The following GSDMC variants were observed in gnomAD, a reference collection of about 807,000 sequenced individuals.
The protein encoded by GSDMC is gasdermin C.
Under a neutral mutation model 58.0 loss-of-function variants are expected in GSDMC, and 59 were observed. That is an observed-to-expected ratio of 1.02 (90% CI 0.82 to 1.26). The LOEUF is 1.26. Among genes scored for constraint, GSDMC ranks in the 50% most tolerant of loss-of-function variants. The pLI, the probability that GSDMC is intolerant of heterozygous loss-of-function variation, is 0.00. For synonymous variants in GSDMC, 241 were observed against 220.2 expected, an observed-to-expected ratio of 1.09 and a Z score of -0.83; for missense variants, 659 against 598.5, an observed-to-expected ratio of 1.10 and a Z score of -1.06.
intron 13 of GSDMC, 83 bp downstream of exon 13, chr8:129,749,369 T>C (rs2033075187): frequency 3.9e-6 from 4 of 1,021,804 alleles, no homozygotes; most frequent in South Asian, 2.6e-5. Flanking sequence ...ACCTGTATCA[T>C]CTCTCTTTCC....
chr8:129,740,997 TC>T, the GSDMC span, among the ~76,000 whole-genome samples: 5 of 152,306 alleles, frequency 3.3e-5, no homozygotes, highest in East Asian at 9.6e-4. Context: ...AAGTCTTTTA[TC>T]CGTTTTGAAT....
the GSDMC span, among the ~76,000 whole-genome samples, chr8:129,731,348 T>C: frequency 6.6e-6 from 1 of 152,172 alleles, no homozygotes; most frequent in South Asian, 2.1e-4. Flanking sequence ...AGCTAGTGGA[T>C]CAGGTCTTGC....
the GSDMC span, among the ~76,000 whole-genome samples, chr8:129,741,915 A>ATATAT: frequency 3.2e-5 from 4 of 126,272 alleles, no homozygotes; most frequent in African/African-American, 1.4e-4. Context: ...AAGAAAATGT[A>ATATAT]ATATATATAT....
chr8:129,712,919 G>A, the GSDMC span, among the ~76,000 whole-genome samples: 3 of 152,220 alleles, frequency 2.0e-5, no homozygotes, highest in African/African-American at 7.2e-5. Context: ...GCTCACCAAG[G>A]CTGGGATCCA....
At chr8:129,737,955 C>T in the GSDMC span, among the ~76,000 whole-genome samples, 1 of 152,014 alleles carries the variant, frequency 6.6e-6, no homozygotes, top group East Asian at 1.9e-4. Flanking sequence ...ACAACTTAAA[C>T]AAATTTACAA....
the GSDMC span, among the ~76,000 whole-genome samples, chr8:129,731,233 C>T: frequency 6.6e-6 from 1 of 152,196 alleles, no homozygotes; most frequent in Non-Finnish European, 1.5e-5. Flanking sequence ...TTGGAAGGGG[C>T]TCCTCTTCCC....
chr8:129,779,102 T>C lies in GSDMC; in HGVS notation c.-4-1511A>G, dbSNP rs140448301. Among the ~76,000 whole-genome samples the C allele has an allele frequency of 8.8e-3, 1,344 of 152,310 alleles. 19 individuals carry two copies. Among genetic ancestry groups the C allele is most frequent in the African/African-American group, 0.031 (1,285 of 41,570 alleles). On this transcript the variant is annotated intron_variant, in intron 1 of 13. Transcript: ENST00000276708. ...AATACCATCTGACCCAGCAAGCTCA[T>C]TACTGGGTATATACCCAAAGGAACA...
rs765550055 is a variant in GSDMC at position 129,748,474 on chromosome 8, C to T, written c.*27G>A. On this transcript the variant is annotated 3_prime_UTR_variant, in exon 14 of 14. Coordinates refer to ENST00000276708, the MANE Select transcript of GSDMC (RefSeq NM_031415.3). Reference sequence around the variant, plus strand: ...ATAGACTGGGCGAGGGCCAGCATCTCTGGACTGACTGCCCATCAGGGAGGG... The same window carrying T: ...ATAGACTGGGCGAGGGCCAGCATCTTTGGACTGACTGCCCATCAGGGAGGG... 2.8e-5 allele frequency: 44 copies of T among 1,582,384 alleles called. No homozygotes were observed. The highest frequency in any genetic ancestry group is 8.8e-5 in the Admixed American group (5 of 57,130).
intron 3 of GSDMC, among the ~76,000 whole-genome samples, chr8:129,767,017 G>A (rs1008025496): frequency 6.6e-6 from 1 of 152,206 alleles, no homozygotes; most frequent in East Asian, 1.9e-4. Flanking sequence ...CAATCAGAGA[G>A]ACCAGCCAGC....
At chr8:129,749,314 TTCCCCAGTGGCCACCCTGTGATCTGGAC>T in intron 13 of GSDMC, 110 bp downstream of exon 13, 2 of 642,260 alleles carry the variant, frequency 3.1e-6, no homozygotes, top group Non-Finnish European at 5.7e-6. Flanking sequence ...CAGCCAAGGA[TTCCCCAGTGGCCACCCTGTGATCTGGAC>T]TCCCCTCCCA....
the GSDMC span, chr8:129,730,418 A>G: frequency 8.7e-7 from 1 of 1,151,794 alleles, no homozygotes. Flanking sequence ...ATGAATCTTT[A>G]GTAGAAATTA....
At chr8:129,731,808 A>G in the GSDMC span, among the ~76,000 whole-genome samples, 2 of 152,206 alleles carry the variant, frequency 1.3e-5, no homozygotes, top group Non-Finnish European at 2.9e-5. Flanking sequence ...AGCAAAAGTT[A>G]AATATCTAAA....
At chr8:129,750,191 C>A in intron 11 of GSDMC, 72 bp from the exon 12 acceptor site, 1 of 1,259,068 alleles carries the variant, frequency 7.9e-7, no homozygotes, top group East Asian at 2.6e-5. Flanking sequence ...CCTGTGTCTA[C>A]TGGTGATAAC....
At chr8:129,707,405 C>T in the GSDMC span, among the ~76,000 whole-genome samples, 1 of 152,028 alleles carries the variant, frequency 6.6e-6, no homozygotes, top group Non-Finnish European at 1.5e-5. Flanking sequence ...TTCATGGTTT[C>T]TTTTTCAGTT....
chr8:129,728,990 C>T, the GSDMC span: 3 of 666,008 alleles, frequency 4.5e-6, no homozygotes, highest in African/African-American at 3.5e-5. Context: ...TGCGGGAGAC[C>T]AAGAGCTTGC....
intron 1 of GSDMC, among the ~76,000 whole-genome samples, chr8:129,780,153 A>G (rs750326024): frequency 1.3e-5 from 2 of 152,198 alleles, no homozygotes; most frequent in Non-Finnish European, 2.9e-5. Context: ...AATAGAAAAT[A>G]GCCTCAAAAG....
the GSDMC span, among the ~76,000 whole-genome samples, chr8:129,720,378 GTTTC>G: frequency 2.6e-5 from 4 of 152,064 alleles, no homozygotes; most frequent in Admixed American, 6.6e-5. Context: ...GTATCAAAAA[GTTTC>G]TTTTTTTGTC....
chr8:129,778,928 T>C (rs994800891), intron 1 of GSDMC, among the ~76,000 whole-genome samples: 61 of 152,032 alleles, frequency 4.0e-4, no homozygotes, highest in African/African-American at 1.4e-3. Context: ...CACACAAGTC[T>C]GAATAGCTAT....
chr8:129,774,536 A>AG (rs1406617821), intron 3 of GSDMC, among the ~76,000 whole-genome samples: 2 of 151,806 alleles, frequency 1.3e-5, no homozygotes, highest in Admixed American at 1.3e-4. Context: ...AGCAAAAAAA[A>AG]AAAAAGAAAA....
Sources: gnomAD v4.1 joint callset for allele counts (sites outside exome capture counted in the v4.1 genomes callset) on GRCh38, gnomAD v4.1.1 for gene constraint, MANE v1.5 for transcripts, NCBI Gene and HGNC (gene_info 2026-07-23, HGNC 2026-07-21) for gene names.